ACOT11: variants seen among roughly 807,000 people sequenced by gnomAD.
ACOT11 encodes acyl-CoA thioesterase 11.
Under a neutral mutation model 77.5 loss-of-function variants are expected in ACOT11, and 69 were observed. The observed-to-expected ratio is 0.89, with a 90% CI of 0.73 to 1.09. The LOEUF is 1.09. Among genes scored for constraint, ACOT11 ranks in the 50% least tolerant of loss-of-function variants. The pLI is 0.00. For missense variants in ACOT11, 766 were observed against 813.7 expected, an observed-to-expected ratio of 0.94 and a Z score of 0.71; for synonymous variants, 279 against 313.0, an observed-to-expected ratio of 0.89 and a Z score of 1.15.
At chr1:54,589,901 A>T (rs1008520449) in intron 3 of ACOT11, among the ~76,000 whole-genome samples, 2 of 152,126 alleles carry the variant, frequency 1.3e-5, no homozygotes, top group Non-Finnish European at 2.9e-5. Flanking sequence ...ATCCTGGCTA[A>T]CACGGTGAAA....
chr1:54,566,858 A>G (rs1186790543), intron 1 of ACOT11, among the ~76,000 whole-genome samples: 1 of 152,184 alleles, frequency 6.6e-6, no homozygotes, highest in African/African-American at 2.4e-5. Context: ...TGGCTCCACT[A>G]GAGCAAGAGT....
intron 15 of ACOT11, among the ~76,000 whole-genome samples, chr1:54,625,916 G>C (rs1644269355): frequency 7.1e-6 from 1 of 140,752 alleles, no homozygotes; most frequent in African/African-American, 2.6e-5. Flanking sequence ...TCCAGCCTGG[G>C]CAACAAGAGT....
downstream of ACOT11, chr1:54,612,574 C>A (rs1157294013): frequency 2.5e-6 from 4 of 1,614,086 alleles, no homozygotes; most frequent in Non-Finnish European, 2.5e-6. Context: ...CTCTGGGGCA[C>A]TCCTCCCACC....
At chr1:54,612,633 G>A (rs758848018), downstream of ACOT11, 1 of 1,614,096 alleles carries the variant, frequency 6.2e-7, no homozygotes, top group East Asian at 2.2e-5. Flanking sequence ...CCTGTTTGGG[G>A]ACGTGGACAT....
At chr1:54,635,228 T>C in exon 17 of ACOT11, 1 of 225,226 alleles carries the variant, frequency 4.4e-6, no homozygotes, top group Non-Finnish European at 8.7e-6. Context: ...ATGGAATCAT[T>C]ACTAATTGGT....
At chr1:54,611,448 C>A (rs1171526943), downstream of ACOT11, among the ~76,000 whole-genome samples, 2 of 151,980 alleles carry the variant, frequency 1.3e-5, no homozygotes, top group Non-Finnish European at 2.9e-5. Flanking sequence ...GCTTAGCATA[C>A]CATCCCAGGG....
At chr1:54,578,846 A>G (rs1654202298) in intron 1 of ACOT11, among the ~76,000 whole-genome samples, 1 of 116,786 alleles carries the variant, frequency 8.6e-6, no homozygotes, top group Non-Finnish European at 1.6e-5. Context: ...TATGATCTTG[A>G]AAAAAAAAAG....
At chr1:54,562,034 C>T (rs1451808122) in intron 1 of ACOT11, among the ~76,000 whole-genome samples, 7 of 62,088 alleles carry the variant, frequency 1.1e-4, no homozygotes, top group Admixed American at 4.9e-4. Flanking sequence ...GCTGGCCGGG[C>T]GGAGGGCTGA....
chr1:54,617,525 T>C (rs1033025173), intron 15 of ACOT11, among the ~76,000 whole-genome samples: 3 of 151,762 alleles, frequency 2.0e-5, no homozygotes, highest in Non-Finnish European at 4.4e-5. Context: ...CCAAACTCTT[T>C]ATCATAGTCT....
Position 54,562,096 on chromosome 1 carries a change from C to G in ACOT11, c.33+13754C>G, listed in dbSNP as rs1569652356. Among the ~76,000 whole-genome samples the G allele has an allele frequency of 9.3e-5, 3 of 32,134 alleles. 1 individual carries two copies. Among genetic ancestry groups the G allele is most frequent in the Non-Finnish European group, 2.0e-4 (3 of 15,314 alleles). The allele number at this position is 32,134 out of a possible 152,430, so 21.1% of individuals were successfully genotyped here. ...GCGGCTGGCCGGGCGGGGGGCTGAC[C>G]CCCCCAACCTCCCTCCCGGACGGGG... On this transcript the variant is annotated intron_variant, in intron 1 of 15. Coordinates refer to ENST00000343744, the MANE Select transcript of ACOT11 (RefSeq NM_147161.4).
chr1:54,604,072 G>C, intron 11 of ACOT11, 135 bp downstream of exon 11: 1 of 841,970 alleles, frequency 1.2e-6, no homozygotes, highest in Non-Finnish European at 1.9e-6. Context: ...GCTACCATTA[G>C]CAAAGAGCTG....
At chr1:54,603,998 C>G (rs1643995797) in intron 11 of ACOT11, 61 bp downstream of exon 11, 1 of 1,496,002 alleles carries the variant, frequency 6.7e-7, no homozygotes, top group Admixed American at 1.7e-5. Flanking sequence ...CCCTTCCCTG[C>G]TTGTCAGAAC....
intron 1 of ACOT11, chr1:54,582,350 C>T (rs755617312): frequency 1.4e-6 from 1 of 708,606 alleles, no homozygotes; most frequent in Non-Finnish European, 1.7e-6. Flanking sequence ...CTCTGTTTGT[C>T]CCTCCACAAA....
At chr1:54,572,874 C>T (rs971615215) in intron 1 of ACOT11, 1 of 964,468 alleles carries the variant, frequency 1.0e-6, no homozygotes, top group African/African-American at 1.8e-5. Flanking sequence ...GATTTCTGCA[C>T]CTGAGAGAGG....
Position 54,592,535 on chromosome 1 carries a change from C to G in ACOT11, c.312-11C>G, listed in dbSNP as rs373276988. On this transcript the variant is annotated splice_polypyrimidine_tract_variant and intron_variant, in intron 3 of 15. Coordinates refer to ENST00000343744, the MANE Select transcript of ACOT11 (RefSeq NM_147161.4). ...CTCTGGAAGGCTCACCTCCTACTTT[C>G]CTCTCCCCAGTGTTGGACAAGTGGT... 4 of 1,610,004 alleles carry G rather than the reference C, an allele frequency of 2.5e-6. No homozygotes were observed. The highest frequency in any genetic ancestry group is 3.4e-6 in the Non-Finnish European group (4 of 1,177,934).
At position 54,564,810 on chromosome 1, in the gene ACOT11, C is replaced by T. The variant is rs140179258; in HGVS notation, c.33+16468C>T. 7.6e-3 allele frequency among the ~76,000 whole-genome samples: 1,161 copies of T among 151,860 alleles called. 12 individuals carry two copies. The highest frequency in any genetic ancestry group is 0.024 in the African/African-American group (1,007 of 41,454). ...TAACATAGGGATGTCGGGGTTGGGG[C>T]GGTGGGGGGTGATAATGGTCCCTGC... is the stretch of plus-strand genomic sequence containing the variant. On this transcript the variant is annotated intron_variant, in intron 1 of 15. Transcript: ENST00000343744.
chr1:54,599,309 G>A lies in ACOT11; in HGVS notation c.778G>A (p.Ala260Thr). 2.5e-6 allele frequency: 4 copies of A among 1,591,484 alleles called. No homozygotes were observed. The highest frequency in any genetic ancestry group is 1.7e-6 in the Non-Finnish European group (2 of 1,169,168). Residue 260 changes from alanine to threonine, a missense_variant, in exon 8 of 16, where the codon GCC becomes ACC. Transcript: ENST00000343744. ...CTGCCTCCTCAGCCGGCTCTGCCGT[G>A]CCCACCCTACGCTGAAGGCCATTGA... Reference protein sequence around the residue: ...ATIAASRLCRAHPTLKAIEMF... With the variant: ...ATIAASRLCRTHPTLKAIEMF...
At chr1:54,631,740 A>G (rs914842102) in intron 16 of ACOT11, among the ~76,000 whole-genome samples, 4 of 152,322 alleles carry the variant, frequency 2.6e-5, no homozygotes, top group African/African-American at 7.2e-5. Flanking sequence ...AGCAGGGACC[A>G]AGGGAACCAT....
chr1:54,585,765 G>A (rs1362472337), intron 2 of ACOT11, 70 bp from the exon 3 acceptor site: 1 of 1,537,350 alleles, frequency 6.5e-7, no homozygotes, highest in Non-Finnish European at 8.9e-7. Context: ...CTCCTGAGGA[G>A]GTGCCATCTG....
Sources: allele counts gnomAD v4.1 joint callset (sites outside exome capture counted in the v4.1 genomes callset), GRCh38; gene constraint gnomAD v4.1.1; transcripts MANE v1.5; gene names NCBI Gene and HGNC (gene_info 2026-07-23, HGNC 2026-07-21).